The following GTF2IRD2B variants were observed in gnomAD, a reference collection of about 807,000 sequenced individuals.
GTF2IRD2B encodes general transcription factor II-I repeat domain-containing protein 2B.
Under a neutral mutation model 55.6 loss-of-function variants are expected in GTF2IRD2B, and 10 were observed. The observed-to-expected ratio is 0.18, with a 90% confidence interval of 0.11 to 0.31. GTF2IRD2B has a LOEUF of 0.31. Ranked by LOEUF, GTF2IRD2B falls within the 10% of genes least tolerant of loss-of-function variation. GTF2IRD2B has a pLI of 1.00. For synonymous variants in GTF2IRD2B, 107 were observed against 320.5 expected (o/e 0.33, Z 7.12); for missense variants, 206 against 802.7 (o/e 0.26, Z 8.98).
intron 1 of GTF2IRD2B, among the ~76,000 whole-genome samples, chr7:75,104,733 G>T (rs1296969874): frequency 2.6e-5 from 4 of 152,276 alleles, no homozygotes; most frequent in African/African-American, 9.6e-5. Flanking sequence ...ATGTGCATTT[G>T]CTTGGTGAGT....
In GTF2IRD2B at chr7:75,133,983, G is replaced by T. The variant is rs1554534914; in HGVS notation, c.748+771G>T. 5.2e-4 allele frequency among the ~76,000 whole-genome samples: 67 copies of T among 128,312 alleles called. 2 individuals carry two copies. The highest frequency in any genetic ancestry group is 2.4e-3 in the African/African-American group (66 of 27,106). The allele number at this position is 128,312 out of a possible 152,430, so 84.2% of individuals were successfully genotyped here. A position where few individuals can be genotyped will look rare whatever the true frequency, so the allele number is the denominator to read the frequency against. On this transcript the variant is annotated intron_variant, in intron 9 of 15. Transcript: ENST00000472837. ...AAAGTCTGATGGGGACTTTATCATG[G>T]GCAGACCTGACTGACAGTTCCTGAA...
chr7:75,147,539 C>T (rs1404541700), intron 15 of GTF2IRD2B, among the ~76,000 whole-genome samples, 155 bp from the exon 16 acceptor site: 1 of 151,812 alleles, frequency 6.6e-6, no homozygotes, highest in African/African-American at 2.4e-5. Flanking sequence ...GAGGGTCAGC[C>T]GTCCCTCTGC....
In GTF2IRD2B at chr7:75,123,523, G is replaced by T; in HGVS notation, c.571+7G>T. On this transcript the variant is annotated splice_region_variant and intron_variant, in intron 6 of 15. Coordinates refer to ENST00000472837, the MANE Select transcript of GTF2IRD2B (RefSeq NM_001003795.3). ...GGACCAGAGAGTCAGCTGGGTAAGT[G>T]ACAGCTTCTCAGGTTTGGTGGCTCT... 1.5e-6 allele frequency: 1 copy of T among 683,030 alleles called. No homozygotes were observed. Among genetic ancestry groups the T allele is most frequent in the Non-Finnish European group, 2.5e-6 (1 of 393,678 alleles). The allele number at this position is 683,030 out of a possible 1,614,324, so 42.3% of individuals were successfully genotyped here. A position where few individuals can be genotyped will look rare whatever the true frequency, so the allele number is the denominator to read the frequency against.
chr7:75,123,082 A>C (rs1227115689), intron 4 of GTF2IRD2B, 54 bp from the exon 5 acceptor site: 4 of 1,564,720 alleles, frequency 2.6e-6, no homozygotes, highest in Non-Finnish European at 3.4e-6. Flanking sequence ...AAAAAAAAAA[A>C]ACTGGTAGAA....
chr7:75,105,672 G>A (rs1164080662), intron 1 of GTF2IRD2B, among the ~76,000 whole-genome samples: 3 of 152,308 alleles, frequency 2.0e-5, no homozygotes, highest in African/African-American at 4.8e-5. Flanking sequence ...TAACTCTAAG[G>A]GATCCTCGAG....
At chr7:75,102,394 A>G (rs1407086758) in intron 1 of GTF2IRD2B, among the ~76,000 whole-genome samples, 1 of 151,556 alleles carries the variant, frequency 6.6e-6, no homozygotes, top group African/African-American at 2.4e-5. Context: ...CTCAGTTCCT[A>G]TAGATTTCCC....
At chr7:75,126,447 TC>T (rs1808511143) in intron 8 of GTF2IRD2B, 62 bp downstream of exon 8, 1 of 489,902 alleles carries the variant, frequency 2.0e-6, no homozygotes. Flanking sequence ...ACGCCTGTAA[TC>T]CCAGCAATTT....
chr7:75,099,844 A>G (rs1807483813), intron 1 of GTF2IRD2B, among the ~76,000 whole-genome samples: 2 of 128,320 alleles, frequency 1.6e-5, no homozygotes, highest in African/African-American at 6.0e-5. Context: ...CAGGCGTGGT[A>G]GATCATGCCT....
Position 75,149,261 on chromosome 7 carries a change from T to C in GTF2IRD2B, c.2814T>C (p.Asp938=), listed in dbSNP as rs1482689348. ...SKTKYCSQLK[D]SQWDSVLHIA... is the part of the protein sequence containing the mutation. ...CAAAATACTGCTCCCAGTTAAAGGA[T>C]TCCCAGTGGGATTCTGTACTCCACA... The change falls in exon 16 of 16, where the codon GAT becomes GAC. Residue 938 remains aspartate, a synonymous_variant. Coordinates refer to ENST00000472837, the MANE Select transcript of GTF2IRD2B (RefSeq NM_001003795.3). 4.0e-6 allele frequency: 3 copies of C among 751,680 alleles called. No homozygotes were observed. Among genetic ancestry groups the C allele is most frequent in the Non-Finnish European group, 7.4e-6 (3 of 406,644 alleles). The allele number at this position is 751,680 out of a possible 1,614,324, so 46.6% of individuals were successfully genotyped here.
At chr7:75,116,640 C>CTTTTT (rs782017384) in intron 3 of GTF2IRD2B, among the ~76,000 whole-genome samples, 1 of 118,352 alleles carries the variant, frequency 8.4e-6, no homozygotes, top group Non-Finnish European at 1.7e-5. Context: ...TTTGCCATTT[C>CTTTTT]TTTTTTTTTT....
intron 3 of GTF2IRD2B, among the ~76,000 whole-genome samples, chr7:75,117,751 T>C (rs1808213496): frequency 6.6e-6 from 1 of 152,292 alleles, no homozygotes; most frequent in Admixed American, 6.5e-5. Flanking sequence ...ATATACATTT[T>C]TACATTGGCC....
chr7:75,099,782 A>AAAAC (rs1554449277), intron 1 of GTF2IRD2B, among the ~76,000 whole-genome samples: 2 of 140,678 alleles, frequency 1.4e-5, no homozygotes, highest in African/African-American at 2.6e-5. Flanking sequence ...ATAAATAAAT[A>AAAAC]AAACATAATC....
intron 4 of GTF2IRD2B, among the ~76,000 whole-genome samples, chr7:75,121,252 GTCT>G: frequency 6.6e-6 from 1 of 151,356 alleles, no homozygotes; most frequent in African/African-American, 2.4e-5. Flanking sequence ...GGCCAGGCTG[GTCT>G]CAAACTCCTC....
chr7:75,101,778 T>C (rs1184450605), intron 1 of GTF2IRD2B, among the ~76,000 whole-genome samples: 1 of 144,192 alleles, frequency 6.9e-6, no homozygotes, highest in African/African-American at 2.6e-5. Context: ...CCTGTAATCC[T>C]AGCTACTCAG....
chr7:75,123,200 G>C lies in GTF2IRD2B; in HGVS notation c.423G>C (p.Ser141=), dbSNP rs782060715. Residue 141 remains serine, a synonymous_variant, in exon 5 of 16, where the codon TCG becomes TCC. Coordinates refer to ENST00000472837, the MANE Select transcript of GTF2IRD2B (RefSeq NM_001003795.3). ...ATGAGAAGATGCTGCGAGACCAGTC[G>C]GCTGTGGTAGTGCAGGGGCTTCCGG... ...VPYEKMLRDQ[S]AVVVQGLPEG... is the part of the protein sequence containing the mutation. 2 of 1,531,646 alleles carry C rather than the reference G, an allele frequency of 1.3e-6. No individual in the cohort carries two copies. The highest frequency in any genetic ancestry group is 1.8e-6 in the Non-Finnish European group (2 of 1,139,626). 94.9% of individuals were successfully genotyped at this position (1,531,646 alleles called of 1,614,324 possible).
intron 8 of GTF2IRD2B, among the ~76,000 whole-genome samples, chr7:75,132,358 CA>C (rs1161370360): frequency 0.84 from 70,164 of 83,132 alleles, 29,240 homozygotes; most frequent in Middle Eastern, 0.93. Context: ...GACTCTGTCT[CA>C]AAAAAAAAAA....
intron 1 of GTF2IRD2B, among the ~76,000 whole-genome samples, chr7:75,105,330 C>G (rs1807752983): frequency 6.6e-6 from 1 of 152,216 alleles, no homozygotes; most frequent in Non-Finnish European, 1.5e-5. Context: ...ATGGTGTAAC[C>G]CCGTCTCCAC....
chr7:75,136,445 C>T (rs2023190), intron 10 of GTF2IRD2B, among the ~76,000 whole-genome samples: 8 of 144,744 alleles, frequency 5.5e-5, no homozygotes, highest in South Asian at 2.2e-4. Flanking sequence ...GGATTACAGG[C>T]GTGCGCCACC....
intron 1 of GTF2IRD2B, among the ~76,000 whole-genome samples, chr7:75,096,950 G>A (rs1284200582): frequency 1.0e-5 from 1 of 96,542 alleles, no homozygotes; most frequent in Non-Finnish European, 1.9e-5. Context: ...ACTGGCCTGG[G>A]CAACATGGCA....
Sources: gnomAD v4.1 joint callset for allele counts (sites outside exome capture counted in the v4.1 genomes callset) on GRCh38, gnomAD v4.1.1 for gene constraint, MANE v1.5 for transcripts, NCBI Gene and HGNC (gene_info 2026-07-23, HGNC 2026-07-21) for gene names.